CFTR: variants seen among roughly 807,000 people sequenced by gnomAD.
CFTR encodes cystic fibrosis transmembrane conductance regulator.
Under a neutral mutation model 171.6 loss-of-function variants are expected in CFTR, and 181 were observed. That is an observed-to-expected ratio of 1.05 (90% CI 0.93 to 1.19). The LOEUF (loss-of-function observed/expected upper bound fraction) is 1.19. Among genes scored for constraint, CFTR ranks in the 50% most tolerant of loss-of-function variants. CFTR has a pLI of 0.00. For synonymous variants in CFTR, 583 were observed against 608.0 expected (o/e 0.96, Z 0.60); for missense variants, 1,968 against 1,734.7 (o/e 1.13, Z -2.39).
intron 10 of CFTR, among the ~76,000 whole-genome samples, chr7:117,556,833 T>A (rs2115929335): frequency 6.6e-6 from 1 of 152,240 alleles, no homozygotes; most frequent in Non-Finnish European, 1.5e-5. Context: ...TCATTTCTTA[T>A]ATCGTATTTT....
In CFTR at chr7:117,643,066, A is replaced by AT. The variant is rs940335126; in HGVS notation, c.3873+482dup. On this transcript the variant is annotated intron_variant, in intron 23 of 26. Coordinates refer to ENST00000003084, the MANE Select transcript of CFTR (RefSeq NM_000492.4). ...AACAATGTCAGATTAGTCTGTAACT[A>AT]TTTTTTTTTAATGTCACTCTGATTT... Among the ~76,000 whole-genome samples the AT allele has an allele frequency of 7.8e-4, 117 of 150,924 alleles. 1 individual carries two copies. The highest frequency in any genetic ancestry group is 6.4e-3 in the Admixed American group (97 of 15,138).
In CFTR at chr7:117,573,893, A is replaced by G. The variant is rs910304232; in HGVS notation, c.1585-13846A>G. ...TAATTCCAATGAATGATTTCCCACAACAATTTTTGTGGATAACTCCAAGGG... is the reference window on the plus strand; with the variant it reads ...TAATTCCAATGAATGATTTCCCACAGCAATTTTTGTGGATAACTCCAAGGG... On this transcript the variant is annotated intron_variant, in intron 11 of 26. Coordinates refer to ENST00000003084, the MANE Select transcript of CFTR (RefSeq NM_000492.4). Among the ~76,000 whole-genome samples, 6 of 152,136 alleles carry G rather than the reference A, an allele frequency of 3.9e-5. No individual in the cohort carries two copies. Among genetic ancestry groups the G allele is most frequent in the Non-Finnish European group, 8.8e-5 (6 of 67,988 alleles).
At chr7:117,578,427 A>G (rs559745653) in intron 11 of CFTR, among the ~76,000 whole-genome samples, 1 of 152,144 alleles carries the variant, frequency 6.6e-6, no homozygotes, top group Non-Finnish European at 1.5e-5. Flanking sequence ...CATACCAAGT[A>G]TGTGTTAATT....
At chr7:117,591,724 A>G (rs1264878860) in intron 13 of CFTR, among the ~76,000 whole-genome samples, 2 of 152,158 alleles carry the variant, frequency 1.3e-5, no homozygotes, top group African/African-American at 2.4e-5. Flanking sequence ...TTAACATGCA[A>G]CTTTTCAATA....
chr7:117,597,813 TA>T (rs34276900), intron 15 of CFTR, among the ~76,000 whole-genome samples: 23,747 of 132,802 alleles, frequency 0.18, 2,607 homozygotes, highest in East Asian at 0.4. Flanking sequence ...ATCACCAAGT[TA>T]AAAAAAAAAA....
chr7:117,509,182 CTA>C lies in CFTR; in HGVS notation c.273+44_273+45del, dbSNP rs1562884105. On this transcript the variant is annotated intron_variant, in intron 3 of 26. Coordinates refer to ENST00000003084, the MANE Select transcript of CFTR (RefSeq NM_000492.4). ...TGTACATTCATTATGTATCACATAA[CTA>C]TATTCATTTTTGTGATTATGAAAAG... The C allele has an allele frequency of 3.5e-6, 4 of 1,131,284 alleles. No individual in the cohort carries two copies. The African/African-American group carries it at 6.1e-5, about 17-fold the overall frequency. 70.1% of individuals were successfully genotyped at this position (1,131,284 alleles called of 1,614,324 possible).
chr7:117,496,589 G>A (rs775984729), intron 1 of CFTR, among the ~76,000 whole-genome samples: 3 of 152,164 alleles, frequency 2.0e-5, no homozygotes, highest in East Asian at 1.9e-4. Context: ...TAGATATTTC[G>A]ATTGTTCCTA....
At chr7:117,578,468 T>C (rs544012092) in intron 11 of CFTR, among the ~76,000 whole-genome samples, 1 of 152,168 alleles carries the variant, frequency 6.6e-6, no homozygotes, top group South Asian at 2.1e-4. Context: ...AGGCTTCTGG[T>C]CAACAGTAGA....
chr7:117,662,578 G>T (rs1330567408), intron 24 of CFTR, among the ~76,000 whole-genome samples: 1 of 152,130 alleles, frequency 6.6e-6, no homozygotes, highest in Non-Finnish European at 1.5e-5. Context: ...CCAGGTGAGA[G>T]ATCTTAGATT....
intron 7 of CFTR, among the ~76,000 whole-genome samples, chr7:117,539,494 A>G (rs1643129550): frequency 2.0e-5 from 3 of 152,092 alleles, no homozygotes; most frequent in Admixed American, 2.0e-4. Context: ...CTAAGAGGCA[A>G]GCTTGAGACT....
At chr7:117,496,302 C>T (rs762046824) in intron 1 of CFTR, among the ~76,000 whole-genome samples, 2 of 152,062 alleles carry the variant, frequency 1.3e-5, no homozygotes, top group African/African-American at 2.4e-5. Context: ...AAGTCATAGG[C>T]GAAAGCGGTC....
At chr7:117,574,990 A>G (rs1201510709) in intron 11 of CFTR, among the ~76,000 whole-genome samples, 1 of 151,954 alleles carries the variant, frequency 6.6e-6, no homozygotes, top group Non-Finnish European at 1.5e-5. Context: ...TTTTATTTAT[A>G]CCTTCTGTTC....
Position 117,530,941 on chromosome 7 carries a change from A to G in CFTR, c.316A>G (p.Ile106Val), listed in dbSNP as rs1024092547. The change falls in exon 4 of 27, where the codon ATA becomes GTA. Residue 106 changes from isoleucine (I) to valine (V), a missense_variant. Transcript: ENST00000003084. The stretch of plus-strand genomic sequence containing the variant: ...ACAGCCTCTCTTACTGGGAAGAATC[A>G]TAGCTTCCTATGACCCGGATAACAA... ...AVQPLLLGRI[I>V]ASYDPDNKEE... 2.5e-6 allele frequency: 4 copies of G among 1,613,770 alleles called. No homozygotes were observed. Among genetic ancestry groups the G allele is most frequent in the Middle Eastern group, 1.7e-4 (1 of 6,016 alleles).
chr7:117,554,609 A>G (rs990068712), intron 10 of CFTR, among the ~76,000 whole-genome samples: 6 of 152,082 alleles, frequency 3.9e-5, no homozygotes, highest in Admixed American at 3.9e-4. Context: ...TGATAAGAAG[A>G]GAAAGGGGTG....
Position 117,541,877 on chromosome 7 carries a change from AT to A in CFTR, c.1117-135del, listed in dbSNP as rs992074991. ...TTAACTTTAGAACACTAATAAAATT[AT>A]TTTATTAAGAAATAATTACTATTTC... On this transcript the variant is annotated intron_variant, in intron 8 of 26. Transcript: ENST00000003084. The A allele has an allele frequency of 5.2e-5, 21 of 404,666 alleles. No homozygotes were observed. The highest frequency in any genetic ancestry group is 7.4e-4 in the Middle Eastern group (1 of 1,360). The allele number at this position is 404,666 out of a possible 1,614,324, so 25.1% of individuals were successfully genotyped here.
chr7:117,568,282 G>A (rs999764527), intron 11 of CFTR, among the ~76,000 whole-genome samples: 6 of 152,286 alleles, frequency 3.9e-5, no homozygotes, highest in African/African-American at 1.4e-4. Flanking sequence ...TGGGGGCCAT[G>A]GGACTCACTG....
intron 24 of CFTR, among the ~76,000 whole-genome samples, chr7:117,658,001 C>A (rs1340217928): frequency 6.6e-6 from 1 of 152,164 alleles, no homozygotes; most frequent in Non-Finnish European, 1.5e-5. Flanking sequence ...AGAGAGCCTC[C>A]TTTTTCCTTA....
chr7:117,634,140 A>C (rs1427367075), intron 22 of CFTR, among the ~76,000 whole-genome samples: 2 of 152,048 alleles, frequency 1.3e-5, no homozygotes. Flanking sequence ...TCTGTTTTGG[A>C]AGGTCATTAA....
At chr7:117,529,440 G>A (rs1184834366) in intron 3 of CFTR, among the ~76,000 whole-genome samples, 18 of 133,130 alleles carry the variant, frequency 1.4e-4, no homozygotes, top group East Asian at 8.9e-4. Flanking sequence ...TGGGTGCAGC[G>A]CACCAGCATG....
Sources: gnomAD v4.1 joint callset for allele counts (sites outside exome capture counted in the v4.1 genomes callset) on GRCh38, gnomAD v4.1.1 for gene constraint, MANE v1.5 for transcripts, NCBI Gene and HGNC (gene_info 2026-07-23, HGNC 2026-07-21) for gene names.